SHOC2: variants seen among roughly 807,000 people sequenced by gnomAD.
SHOC2 encodes leucine-rich repeat protein SHOC-2.
SHOC2 carries 4 observed loss-of-function variants against 50.2 expected under a neutral mutation model. That is an observed-to-expected ratio of 0.08 (90% CI 0.04 to 0.18). The LOEUF (loss-of-function observed/expected upper bound fraction) is 0.18. Ranked by LOEUF, SHOC2 falls within the 10% of genes least tolerant of loss-of-function variation. SHOC2 has a pLI of 1.00. For synonymous variants in SHOC2, 218 were observed against 244.5 expected, an observed-to-expected ratio of 0.89 and a Z score of 1.01; for missense variants, 388 against 669.6, an observed-to-expected ratio of 0.58 and a Z score of 4.64.
At chr10:111,001,374 C>T (rs61864601) in intron 4 of SHOC2, among the ~76,000 whole-genome samples, 22 of 152,080 alleles carry the variant, frequency 1.4e-4, no homozygotes, top group African/African-American at 3.4e-4. Flanking sequence ...AGGCTGGTCT[C>T]GAGCTCCTGA....
chr10:110,957,091 T>C (rs1590799092), intron 1 of SHOC2, among the ~76,000 whole-genome samples: 1 of 152,260 alleles, frequency 6.6e-6, no homozygotes, highest in African/African-American at 2.4e-5. Flanking sequence ...TGTAATTTGC[T>C]GATCTTTGTA....
chr10:110,969,823 G>C (rs1006114202), intron 2 of SHOC2, among the ~76,000 whole-genome samples: 3 of 152,020 alleles, frequency 2.0e-5, no homozygotes, highest in Non-Finnish European at 4.4e-5. Flanking sequence ...ATATATTAAA[G>C]TATATGCTTT....
At chr10:111,001,913 C>T (rs990387038) in intron 4 of SHOC2, among the ~76,000 whole-genome samples, 3 of 152,078 alleles carry the variant, frequency 2.0e-5, no homozygotes, top group African/African-American at 4.8e-5. Flanking sequence ...GTGGTGGGCA[C>T]CTGTAATCCC....
At chr10:110,956,289 C>G (rs1021383780) in intron 1 of SHOC2, among the ~76,000 whole-genome samples, 1 of 152,144 alleles carries the variant, frequency 6.6e-6, no homozygotes, top group African/African-American at 2.4e-5. Flanking sequence ...TCTCGGCTCA[C>G]TGCAACCTCC....
In SHOC2 at chr10:111,011,800, A is replaced by T; in HGVS notation, c.1731A>T (p.Pro577=). 1 of 1,613,768 alleles carries T rather than the reference A, an allele frequency of 6.2e-7. No individual in the cohort carries two copies. Among genetic ancestry groups the T allele is most frequent in the Non-Finnish European group, 8.5e-7 (1 of 1,179,704 alleles). The part of the protein sequence containing the change: ...FIIQFLKMQG[P]YRAMV ...TTCAGTTCTTAAAGATGCAGGGTCC[A>T]TATCGTGCCATGGTCTGATATAAAT... Residue 577 remains proline, a synonymous_variant, in exon 9 of 9, where the codon CCA becomes CCT. Coordinates refer to ENST00000369452, the MANE Select transcript of SHOC2 (RefSeq NM_007373.4).
At chr10:110,968,285 G>A (rs1198186848) in intron 2 of SHOC2, among the ~76,000 whole-genome samples, 1 of 152,068 alleles carries the variant, frequency 6.6e-6, no homozygotes, top group African/African-American at 2.4e-5. Flanking sequence ...TATTTTCTGT[G>A]ATGTAGATCT....
intron 1 of SHOC2, among the ~76,000 whole-genome samples, chr10:110,934,805 A>G (rs1486816277): frequency 6.6e-6 from 1 of 152,150 alleles, no homozygotes; most frequent in African/African-American, 2.4e-5. Context: ...GAAAAGTGGC[A>G]CTGTGTTTAG....
intron 1 of SHOC2, among the ~76,000 whole-genome samples, chr10:110,950,653 G>C (rs1441231537): frequency 6.6e-6 from 1 of 152,138 alleles, no homozygotes; most frequent in African/African-American, 2.4e-5. Context: ...AAACAGTGTG[G>C]TACTGGCATA....
intron 4 of SHOC2, among the ~76,000 whole-genome samples, chr10:111,001,161 T>TC (rs1330036618): frequency 6.6e-6 from 1 of 150,432 alleles, no homozygotes; most frequent in East Asian, 1.9e-4. Flanking sequence ...ATAATACTTT[T>TC]TTTTTTTTTT....
intron 3 of SHOC2, among the ~76,000 whole-genome samples, chr10:110,999,381 T>A (rs1205922760): frequency 6.6e-6 from 1 of 152,172 alleles, no homozygotes; most frequent in African/African-American, 2.4e-5. Context: ...TGATAGCAGA[T>A]GTCATTATAT....
At position 110,938,015 on chromosome 10, in the gene SHOC2, C is replaced by G. The variant is rs1347679930; in HGVS notation, c.-235+18358C>G. 3.3e-5 allele frequency among the ~76,000 whole-genome samples: 5 copies of G among 152,150 alleles called. No homozygotes were observed. In the South Asian group the frequency reaches 8.3e-4, roughly 25 times the overall value. ...AAATTAAACTTTCATGTACAAAGTTCTGCTACTAGAATATTTTTAAGTCCT... is the reference window on the plus strand; with the variant it reads ...AAATTAAACTTTCATGTACAAAGTTGTGCTACTAGAATATTTTTAAGTCCT... On this transcript the variant is annotated intron_variant, in intron 1 of 8. Transcript: ENST00000369452.
intron 1 of SHOC2, among the ~76,000 whole-genome samples, chr10:110,933,135 G>T (rs541174470): frequency 9.4e-4 from 143 of 152,104 alleles, no homozygotes; most frequent in African/African-American, 3.3e-3. Flanking sequence ...TTCTTTGTAG[G>T]TAAAGTTTTA....
At position 111,007,679 on chromosome 10, in the gene SHOC2, A is replaced by G. The variant is rs759996775; in HGVS notation, c.1284+26A>G. 5 of 1,611,570 alleles carry G rather than the reference A, an allele frequency of 3.1e-6. No homozygotes were observed. In the Admixed American group the frequency reaches 8.3e-5, roughly 27 times the overall value. On this transcript the variant is annotated intron_variant, in intron 6 of 8. Coordinates refer to ENST00000369452, the MANE Select transcript of SHOC2 (RefSeq NM_007373.4). ...GTTAGTATAAATGAGCAATTAGAGA[A>G]CTTCAGAACCTTCCATACGTATCTC...
intron 1 of SHOC2, among the ~76,000 whole-genome samples, chr10:110,928,776 TC>T (rs1846828967): frequency 6.6e-6 from 1 of 152,086 alleles, no homozygotes; most frequent in Non-Finnish European, 1.5e-5. Flanking sequence ...GCATCGGTAG[TC>T]CCAGCTACTT....
At chr10:110,990,485 G>C (rs570618390) in intron 3 of SHOC2, among the ~76,000 whole-genome samples, 132 of 152,230 alleles carry the variant, frequency 8.7e-4, no homozygotes, top group African/African-American at 3.1e-3. Context: ...GGGCCTTGGA[G>C]AACCTGTGTG....
At chr10:110,999,619 C>G (rs965639082) in intron 3 of SHOC2, among the ~76,000 whole-genome samples, 1 of 151,260 alleles carries the variant, frequency 6.6e-6, no homozygotes, top group Non-Finnish European at 1.5e-5. Flanking sequence ...CACCTGTAAT[C>G]CCAGCTACTT....
chr10:110,969,122 A>T (rs1272303279), intron 2 of SHOC2, among the ~76,000 whole-genome samples: 3 of 152,174 alleles, frequency 2.0e-5, no homozygotes, highest in Non-Finnish European at 4.4e-5. Flanking sequence ...ATGTTCATTT[A>T]CTTTTCTCCT....
At chr10:110,988,091 T>C (rs1369006057) in intron 3 of SHOC2, among the ~76,000 whole-genome samples, 1 of 152,126 alleles carries the variant, frequency 6.6e-6, no homozygotes, top group African/African-American at 2.4e-5. Context: ...CCAAAATTGC[T>C]TACCAAGAAG....
intron 1 of SHOC2, chr10:110,937,058 C>T (rs919916160): frequency 2.7e-6 from 4 of 1,487,004 alleles, no homozygotes; most frequent in African/African-American, 1.4e-5. Flanking sequence ...CATCCGCTTG[C>T]GGAGGAAAGC....
Sources: gnomAD v4.1 joint callset for allele counts (sites outside exome capture counted in the v4.1 genomes callset) on GRCh38, gnomAD v4.1.1 for gene constraint, MANE v1.5 for transcripts, NCBI Gene and HGNC (gene_info 2026-07-23, HGNC 2026-07-21) for gene names.